Variants in IL1RAPL2 observed in about 807,000 individuals in gnomAD.
IL1RAPL2 encodes X-linked interleukin-1 receptor accessory protein-like 2.
Under a neutral mutation model 44.1 loss-of-function variants are expected in IL1RAPL2, and 3 were observed. The observed-to-expected ratio is 0.07, with a 90% CI of 0.03 to 0.18. The LOEUF (loss-of-function observed/expected upper bound fraction) is 0.18, where lower values mean the gene tolerates loss of function less well. IL1RAPL2 is among the 10% of genes least tolerant of loss of function. The pLI is 1.00. For synonymous variants in IL1RAPL2, 181 were observed against 178.8 expected (o/e 1.01, Z -0.10); for missense variants, 391 against 496.4 (o/e 0.79, Z 2.02).
At chrX:105,657,975 T>TA (rs1556376028) in intron 6 of IL1RAPL2, among the ~76,000 whole-genome samples, 46 of 99,533 alleles carry the variant, frequency 4.6e-4, no homozygotes, top group South Asian at 8.7e-4. Flanking sequence ...AAGCACCAAA[T>TA]TAAAAAAAAA....
chrX:104,887,686 G>A (rs2147662625), intron 2 of IL1RAPL2, among the ~76,000 whole-genome samples: 1 of 111,958 alleles, frequency 8.9e-6, no homozygotes, highest in South Asian at 3.7e-4. Flanking sequence ...TCTCCCAGAG[G>A]ATGGGGAACC....
chrX:104,597,567 T>C (rs1424506842), intron 1 of IL1RAPL2, among the ~76,000 whole-genome samples: 1 of 111,511 alleles, frequency 9.0e-6, no homozygotes, highest in Non-Finnish European at 1.9e-5. Context: ...TTTGGATATA[T>C]GCCATGAAGA....
intron 2 of IL1RAPL2, among the ~76,000 whole-genome samples, chrX:104,916,738 G>A (rs977261316): frequency 9.9e-5 from 11 of 111,123 alleles, no homozygotes; most frequent in Non-Finnish European, 1.9e-4. Context: ...GTTGAGTTAT[G>A]TCCCATCAGT....
intron 1 of IL1RAPL2, among the ~76,000 whole-genome samples, chrX:104,657,605 A>C (rs753194687): frequency 2.7e-5 from 3 of 112,057 alleles, no homozygotes; most frequent in Non-Finnish European, 3.8e-5. Context: ...ATGGCAACAA[A>C]GCCAAAATTG....
chrX:104,916,659 G>A (rs78003357), intron 2 of IL1RAPL2, among the ~76,000 whole-genome samples: 1 of 111,441 alleles, frequency 9.0e-6, no homozygotes, highest in East Asian at 2.8e-4. Context: ...TTTTCAAAGG[G>A]AATGCTTCCA....
At chrX:105,413,412 C>T (rs1047526354) in intron 5 of IL1RAPL2, among the ~76,000 whole-genome samples, 8 of 111,057 alleles carry the variant, frequency 7.2e-5, no homozygotes, top group African/African-American at 9.8e-5. Context: ...AAGAAGAAGG[C>T]AGAAATGACA....
intron 5 of IL1RAPL2, among the ~76,000 whole-genome samples, chrX:105,435,939 T>C (rs1470987779): frequency 9.0e-6 from 1 of 111,106 alleles, no homozygotes. Flanking sequence ...AGCTAATGCA[T>C]GCGGGGCTTA....
chrX:105,498,647 A>G (rs2036371934), intron 6 of IL1RAPL2, among the ~76,000 whole-genome samples: 1 of 112,048 alleles, frequency 8.9e-6, no homozygotes, highest in Admixed American at 9.5e-5. Context: ...AACATACTAC[A>G]AAGCTACAGT....
At position 104,628,770 on chromosome X, in the gene IL1RAPL2, C is replaced by G. The variant is rs187499580; in HGVS notation, c.-19-30125C>G. On this transcript the variant is annotated intron_variant, in intron 1 of 10. Transcript: ENST00000372582. ...TGTTCCCACCAAGGGTATAAGAGTTCTGTTTTCTCTGCGTCCTCACCAGGA... is the reference window on the plus strand; with the variant it reads ...TGTTCCCACCAAGGGTATAAGAGTTGTGTTTTCTCTGCGTCCTCACCAGGA... Among the ~76,000 whole-genome samples, 4 of 111,994 alleles carry G rather than the reference C, an allele frequency of 3.6e-5. No individual in the cohort carries two copies. In the Admixed American group the frequency reaches 3.8e-4, roughly 11 times the overall value.
chrX:105,470,564 C>A (rs1245230120), intron 5 of IL1RAPL2, among the ~76,000 whole-genome samples: 1 of 111,985 alleles, frequency 8.9e-6, no homozygotes, highest in African/African-American at 3.2e-5. Flanking sequence ...CCTGAAAACC[C>A]AGCCACCCAG....
chrX:105,513,514 G>A (rs1288007931), intron 6 of IL1RAPL2, among the ~76,000 whole-genome samples: 4 of 111,973 alleles, frequency 3.6e-5, no homozygotes, highest in Non-Finnish European at 7.5e-5. Flanking sequence ...TTTCTCTAAC[G>A]ACCAGTGATG....
In IL1RAPL2 at chrX:105,115,422, G is replaced by A. The variant is rs1225913465; in HGVS notation, c.83-80053G>A. Among the ~76,000 whole-genome samples the A allele has an allele frequency of 4.5e-5, 5 of 111,416 alleles. No individual in the cohort carries two copies. In the South Asian group the frequency reaches 1.1e-3, roughly 26 times the overall value. On this transcript the variant is annotated intron_variant, in intron 2 of 10. Transcript: ENST00000372582. ...TGATTGGTCCATTTTACAGAGAGCC[G>A]ATTGGTCCATTTTGACAGGGTGCTG...
intron 2 of IL1RAPL2, among the ~76,000 whole-genome samples, chrX:104,971,914 C>G (rs2030244636): frequency 9.0e-6 from 1 of 111,583 alleles, no homozygotes; most frequent in African/African-American, 3.3e-5. Flanking sequence ...CAAGAGAAAG[C>G]TACTTCTAAA....
At chrX:104,944,393 C>T (rs982734309) in intron 2 of IL1RAPL2, among the ~76,000 whole-genome samples, 2 of 111,731 alleles carry the variant, frequency 1.8e-5, no homozygotes, top group African/African-American at 6.5e-5. Context: ...TTTCTTATGA[C>T]TTTGTTCTCT....
At chrX:105,557,668 C>G (rs2036905941) in intron 6 of IL1RAPL2, among the ~76,000 whole-genome samples, 2 of 111,444 alleles carry the variant, frequency 1.8e-5, no homozygotes, top group South Asian at 7.4e-4. Flanking sequence ...CAAACATTAA[C>G]AGTAATTGCC....
At chrX:105,298,656 T>C (rs1297097571) in intron 5 of IL1RAPL2, among the ~76,000 whole-genome samples, 1 of 110,315 alleles carries the variant, frequency 9.1e-6, no homozygotes, top group Non-Finnish European at 1.9e-5. Context: ...GGGCTTTTAC[T>C]ATTTAAATGA....
At chrX:104,828,898 C>G (rs769241116) in intron 2 of IL1RAPL2, among the ~76,000 whole-genome samples, 42 of 112,624 alleles carry the variant, frequency 3.7e-4, no homozygotes, top group Non-Finnish European at 7.3e-4. Context: ...TCTGCCTAGT[C>G]CGAACTTCCT....
At chrX:104,907,513 C>T (rs1191819114) in intron 2 of IL1RAPL2, among the ~76,000 whole-genome samples, 16 of 102,887 alleles carry the variant, frequency 1.6e-4, no homozygotes, top group South Asian at 4.4e-4. Flanking sequence ...TCTTTGTTCT[C>T]GTTGGTTTCA....
At chrX:104,784,386 CA>C (rs749540826) in intron 2 of IL1RAPL2, among the ~76,000 whole-genome samples, 7 of 111,031 alleles carry the variant, frequency 6.3e-5, no homozygotes, top group Admixed American at 9.7e-5. Context: ...ATCTGATATT[CA>C]GGCCAGTTCA....
Sources: gnomAD v4.1 joint callset for allele counts (sites outside exome capture counted in the v4.1 genomes callset) on GRCh38, gnomAD v4.1.1 for gene constraint, MANE v1.5 for transcripts, NCBI Gene and HGNC (gene_info 2026-07-23, HGNC 2026-07-21) for gene names.